The following FCSK variants were observed in gnomAD, a reference collection of about 807,000 sequenced individuals.
FCSK encodes the protein fucose kinase.
In FCSK, 123 loss-of-function variants were observed where a neutral mutation model predicts 122.5. That is an observed-to-expected ratio of 1.00 (90% confidence interval 0.87 to 1.17). The LOEUF (loss-of-function observed/expected upper bound fraction) is 1.17. Among genes scored for constraint, FCSK ranks in the 50% most tolerant of loss-of-function variants. FCSK has a pLI of 0.00. For synonymous variants in FCSK, 620 were observed against 625.5 expected, an observed-to-expected ratio of 0.99 and a Z score of 0.13; for missense variants, 1,366 against 1,450.4, an observed-to-expected ratio of 0.94 and a Z score of 0.95.
intron 5 of FCSK, 190 bp from the exon 6 acceptor site, chr16:70,466,692 C>T (rs995396333): frequency 7.3e-5 from 43 of 592,014 alleles, no homozygotes; most frequent in African/African-American, 3.9e-4. Flanking sequence ...GAGACCCTGT[C>T]GCAATAACAA....
chr16:70,479,905 A>C lies in FCSK; in HGVS notation c.*225A>C, dbSNP rs938427295. ...GCCTCTGTTCCTCCTGGACATAGGA[A>C]GGTCCCAAGCTTAGTATCCCACGTG... On this transcript the variant is annotated 3_prime_UTR_variant, in exon 24 of 24. Transcript: ENST00000288078. 2 of 474,966 alleles carry C rather than the reference A, an allele frequency of 4.2e-6. No individual in the cohort carries two copies. The highest frequency in any genetic ancestry group is 6.9e-5 in the East Asian group (2 of 28,830). 29.4% of individuals were successfully genotyped at this position (474,966 alleles called of 1,614,324 possible).
At chr16:70,469,108 A>C in intron 9 of FCSK, 44 bp from the exon 10 acceptor site, 1 of 1,611,450 alleles carries the variant, frequency 6.2e-7, no homozygotes, top group Non-Finnish European at 8.5e-7. Flanking sequence ...TTGGGGGCTG[A>C]ACCCCTGCCA....
intron 1 of FCSK, among the ~76,000 whole-genome samples, chr16:70,460,810 CAA>C (rs1261032633): frequency 6.6e-6 from 1 of 152,230 alleles, no homozygotes; most frequent in Non-Finnish European, 1.5e-5. Flanking sequence ...AAGGTTCGTT[CAA>C]AGCGTGGCCT....
At chr16:70,465,681 C>T (rs2048395091) in intron 4 of FCSK, among the ~76,000 whole-genome samples, 1 of 152,050 alleles carries the variant, frequency 6.6e-6, no homozygotes, top group African/African-American at 2.4e-5. Flanking sequence ...CGCAGTGGCT[C>T]ACATCTGTAA....
intron 1 of FCSK, among the ~76,000 whole-genome samples, chr16:70,456,727 A>G (rs888406710): frequency 6.6e-6 from 1 of 152,138 alleles, no homozygotes; most frequent in Non-Finnish European, 1.5e-5. Flanking sequence ...AGGCTTAGAG[A>G]GGTTAAGTAA....
chr16:70,468,062 G>A, intron 8 of FCSK, 96 bp downstream of exon 8: 1 of 896,658 alleles, frequency 1.1e-6, no homozygotes, highest in South Asian at 1.4e-5. Context: ...AAGCCTCCAG[G>A]ACAAGCTAGA....
chr16:70,467,296 C>A, intron 6 of FCSK, 78 bp from the exon 7 acceptor site: 1 of 1,010,606 alleles, frequency 9.9e-7, no homozygotes, highest in Non-Finnish European at 1.5e-6. Flanking sequence ...CAGCCCTGGG[C>A]TCTTGCTTCC....
chr16:70,473,428 T>C lies in FCSK; in HGVS notation c.1777+75T>C. The stretch of plus-strand genomic sequence containing the variant: ...CCTCCCTGTCCTCTGGGCCATCCCC[T>C]GAGGGGACTAGGGGACCATGAGGTG... On this transcript the variant is annotated intron_variant, in intron 15 of 23. Coordinates refer to ENST00000288078, the MANE Select transcript of FCSK (RefSeq NM_145059.3). The surrounding 1 kb of genome is among the most constrained non-coding windows in gnomAD (Gnocchi z 4.9). 1.4e-6 allele frequency: 2 copies of C among 1,412,994 alleles called. No individual in the cohort carries two copies. The highest frequency in any genetic ancestry group is 1.5e-5 in the African/African-American group (1 of 68,450). 87.5% of individuals were successfully genotyped at this position (1,412,994 alleles called of 1,614,324 possible). A position where few individuals can be genotyped will look rare whatever the true frequency, so the allele number is the denominator to read the frequency against.
At chr16:70,478,187 C>G (rs1248952509) in intron 20 of FCSK, 85 bp from the exon 21 acceptor site, 1 of 1,393,310 alleles carries the variant, frequency 7.2e-7, no homozygotes, top group African/African-American at 1.4e-5. Flanking sequence ...CTGGTCCCAG[C>G]AAGGGGTGCA....
Position 70,466,889 on chromosome 16 carries a change from C to CGG in FCSK, c.421_422dup (p.Ser142AlafsTer33). 4 of 1,613,354 alleles carry CGG rather than the reference C, an allele frequency of 2.5e-6. No homozygotes were observed. Among genetic ancestry groups the CGG allele is most frequent in the Non-Finnish European group, 3.4e-6 (4 of 1,179,830 alleles). ...GTCTCCTTCCCCCCACAGCTGGGCC[C>CGG]GGGCTCCCCGCCAGGCGTGTGGGTC... On this transcript the variant is annotated frameshift_variant, in exon 6 of 24. Coordinates refer to ENST00000288078, the MANE Select transcript of FCSK (RefSeq NM_145059.3). LOFTEE classifies it high-confidence loss of function.
intron 13 of FCSK, 67 bp downstream of exon 13, chr16:70,471,419 C>A: frequency 6.9e-7 from 1 of 1,454,068 alleles, no homozygotes; most frequent in Non-Finnish European, 9.2e-7. Flanking sequence ...GAGTCCTGGC[C>A]CCCACCCCAC....
chr16:70,463,235 C>T lies in FCSK; in HGVS notation c.45C>T (p.Thr15=), dbSNP rs1168054017. The T allele has an allele frequency of 3.7e-6, 6 of 1,613,960 alleles. No individual in the cohort carries two copies. Among genetic ancestry groups the T allele is most frequent in the Non-Finnish European group, 5.1e-6 (6 of 1,180,002 alleles). Residue 15 remains threonine, a synonymous_variant, in exon 2 of 24, where the codon ACC becomes ACT. Transcript: ENST00000288078. ...TTGATTGGACAGTCATCATCCTGAC[C>T]TGCCAGTACAAGGACAGTGTCCAGG... ...KGVDWTVIIL[T]CQYKDSVQVF...
chr16:70,470,772 G>A (rs2151718478), intron 11 of FCSK, among the ~76,000 whole-genome samples, 199 bp from the exon 12 acceptor site: 1 of 152,330 alleles, frequency 6.6e-6, no homozygotes, highest in East Asian at 1.9e-4. Flanking sequence ...AGGGTGGCAA[G>A]GTTGGGCGTA....
At chr16:70,479,154 C>A (rs149404620) in intron 22 of FCSK, 26 bp from the exon 23 acceptor site, 13 of 1,567,700 alleles carry the variant, frequency 8.3e-6, no homozygotes, top group Non-Finnish European at 1.1e-5. Context: ...GGCCCAGGCA[C>A]GTCACTCCCC....
At chr16:70,477,565 A>G (rs1214476046) in intron 20 of FCSK, 2 of 152,244 alleles carry the variant, frequency 1.3e-5, no homozygotes, top group Admixed American at 6.5e-5. Flanking sequence ...TGTAAGTTAG[A>G]TAAGAGAAAA....
Position 70,467,414 on chromosome 16 carries a change from C to A in FCSK, c.525C>A (p.Ala175=). The A allele has an allele frequency of 6.2e-7, 1 of 1,611,040 alleles. No individual in the cohort carries two copies. Among genetic ancestry groups the A allele is most frequent in the East Asian group, 2.2e-5 (1 of 44,726 alleles). ...WDSFRGARVI[A]LPGSPAYAQN... Reference sequence around the variant, plus strand: ...GCTTCCGGGGAGCCAGAGTGATCGCCCTCCCAGGGAGCCCGGCCTACGCTC... The same window carrying A: ...GCTTCCGGGGAGCCAGAGTGATCGCACTCCCAGGGAGCCCGGCCTACGCTC... The change falls in exon 7 of 24, where the codon GCC becomes GCA. Residue 175 remains alanine (A), a synonymous_variant. Coordinates refer to ENST00000288078, the MANE Select transcript of FCSK (RefSeq NM_145059.3).
chr16:70,470,917 T>TG, intron 11 of FCSK, 54 bp from the exon 12 acceptor site: 2 of 1,474,784 alleles, frequency 1.4e-6, no homozygotes, highest in Non-Finnish European at 1.8e-6. Context: ...GGAGGAGAGC[T>TG]GGGGCAGCCC....
Position 70,472,972 on chromosome 16 carries a change from C to A in FCSK, c.1407-11C>A, listed in dbSNP as rs768323251. ...CTTCCCTCCTGGGAATGTGCCTTCT[C>A]CCCACATCAGAGCCTGGGACCTGTG... On this transcript the variant is annotated splice_polypyrimidine_tract_variant and intron_variant, in intron 14 of 23. Coordinates refer to ENST00000288078, the MANE Select transcript of FCSK (RefSeq NM_145059.3). 28 of 1,597,470 alleles carry A rather than the reference C, an allele frequency of 1.8e-5. No individual in the cohort carries two copies. Among genetic ancestry groups the A allele is most frequent in the Non-Finnish European group, 2.3e-5 (27 of 1,172,836 alleles).
At position 70,473,382 on chromosome 16, in the gene FCSK, A is replaced by C; in HGVS notation, c.1777+29A>C. On this transcript the variant is annotated intron_variant, in intron 15 of 23. Coordinates refer to ENST00000288078, the MANE Select transcript of FCSK (RefSeq NM_145059.3). The surrounding 1 kb of genome is among the most constrained non-coding windows in gnomAD (Gnocchi z 4.9). ...AGTGTGCAGGCTGGTAGTGCTGCAGAATCAGGCCAGGGGCACCTGCCCTCC... is the reference window on the plus strand; with the variant it reads ...AGTGTGCAGGCTGGTAGTGCTGCAGCATCAGGCCAGGGGCACCTGCCCTCC... 1 of 1,466,372 alleles carries C rather than the reference A, an allele frequency of 6.8e-7. No individual in the cohort carries two copies. The highest frequency in any genetic ancestry group is 9.1e-7 in the Non-Finnish European group (1 of 1,103,956). The allele number at this position is 1,466,372 out of a possible 1,614,324, so 90.8% of individuals were successfully genotyped here.
Sources: allele counts gnomAD v4.1 joint callset (sites outside exome capture counted in the v4.1 genomes callset), GRCh38; gene constraint gnomAD v4.1.1; non-coding constraint Gnocchi (gnomAD v3.1); transcripts MANE v1.5; gene names NCBI Gene and HGNC (gene_info 2026-07-23, HGNC 2026-07-21).